ZNF875: variants seen among roughly 807,000 people sequenced by gnomAD.
ZNF875 encodes zinc finger protein 875.
A neutral mutation model predicts 11.2 loss-of-function variants in ZNF875; 14 were observed. The observed-to-expected ratio is 1.26, with a 90% CI of 0.83 to 1.96. The LOEUF (loss-of-function observed/expected upper bound fraction) is 1.96. Ranked by LOEUF, ZNF875 falls within the 30% of genes most tolerant of loss-of-function variation. The pLI is 0.00. For missense variants in ZNF875, 752 were observed against 760.4 expected, an observed-to-expected ratio of 0.99 and a Z score of 0.13; for synonymous variants, 301 against 281.1, an observed-to-expected ratio of 1.07 and a Z score of -0.71.
chr19:37,355,258 C>T (rs372319818), intron 4 of ZNF875, among the ~76,000 whole-genome samples: 2 of 152,086 alleles, frequency 1.3e-5, no homozygotes, highest in Admixed American at 1.3e-4. Flanking sequence ...GGCACGATCT[C>T]GGCTCACTGC....
intron 1 of ZNF875, among the ~76,000 whole-genome samples, chr19:37,319,477 G>A (rs1477199263): frequency 6.6e-6 from 1 of 151,530 alleles, no homozygotes; most frequent in Admixed American, 6.6e-5. Flanking sequence ...CCTATAGGCG[G>A]CAGGTCTCTA....
intron 4 of ZNF875, among the ~76,000 whole-genome samples, chr19:37,348,444 T>C (rs1175282275): frequency 1.3e-5 from 2 of 152,232 alleles, no homozygotes; most frequent in Non-Finnish European, 2.9e-5. Context: ...GTAATTCTCA[T>C]GCATGGCTTT....
intron 4 of ZNF875, 182 bp from the exon 5 acceptor site, chr19:37,361,927 A>AAAAAC: frequency 2.1e-6 from 1 of 478,122 alleles, no homozygotes; most frequent in East Asian, 3.2e-5. Context: ...AAAAAAAACA[A>AAAAAC]AAAAACAAAA....
At chr19:37,334,096 C>A (rs545046609), upstream of ZNF875, among the ~76,000 whole-genome samples, 1 of 152,172 alleles carries the variant, frequency 6.6e-6, no homozygotes, top group Non-Finnish European at 1.5e-5. Flanking sequence ...CAGTCTCCCC[C>A]ATCTGCATTC....
exon 4 of ZNF875, chr19:37,324,257 A>G (rs2032029965): frequency 6.6e-6 from 1 of 152,198 alleles, no homozygotes; most frequent in South Asian, 2.1e-4. Flanking sequence ...ACCAGAGGAA[A>G]CACAGCAAGT....
At chr19:37,329,574 G>GGTGA (rs1368873501) in intron 4 of ZNF875, among the ~76,000 whole-genome samples, 1 of 152,094 alleles carries the variant, frequency 6.6e-6, no homozygotes, top group Non-Finnish European at 1.5e-5. Flanking sequence ...TGCATGTGTG[G>GGTGA]GTGAACTCTC....
At chr19:37,317,345 C>T (rs1381715097), upstream of ZNF875, among the ~76,000 whole-genome samples, 1 of 152,076 alleles carries the variant, frequency 6.6e-6, no homozygotes, top group African/African-American at 2.4e-5. Context: ...CGCCACCACG[C>T]CCGGCTAATT....
chr19:37,335,168 G>C lies in ZNF875; in HGVS notation c.-56-1G>C. 1 of 701,372 alleles carries C rather than the reference G, an allele frequency of 1.4e-6. No individual in the cohort carries two copies. Among genetic ancestry groups the C allele is most frequent in the African/African-American group, 1.7e-5 (1 of 57,364 alleles). The allele number at this position is 701,372 out of a possible 1,614,324, so 43.4% of individuals were successfully genotyped here. On this transcript the variant is annotated splice_acceptor_variant, in intron 1 of 4. Transcript: ENST00000392153. LOFTEE classifies it low-confidence loss of function (5UTR_SPLICE). ...ACTCTTATTTCTCTTCACATCCCCA[G>C]ATCTGTCTTCTGAGACTTTGCCCTT...
At chr19:37,332,331 C>T (rs573060614), upstream of ZNF875, among the ~76,000 whole-genome samples, 56 of 151,844 alleles carry the variant, frequency 3.7e-4, no homozygotes, top group East Asian at 4.9e-3. Context: ...TCCCACCTTA[C>T]GAGAAACACC....
intron 2 of ZNF875, among the ~76,000 whole-genome samples, chr19:37,336,083 G>C (rs1305057213): frequency 6.6e-6 from 1 of 152,156 alleles, no homozygotes; most frequent in Non-Finnish European, 1.5e-5. Context: ...TGATGTGGAT[G>C]AAGGGCAGGG....
At chr19:37,322,206 GTTC>G (rs532412271) in exon 2 of ZNF875, 138 of 152,266 alleles carry the variant, frequency 9.1e-4, no homozygotes, top group African/African-American at 3.0e-3. Context: ...TTCTTTTGCT[GTTC>G]TTCTGTTTTG....
rs1568661476 is a variant in ZNF875 at position 37,362,144 on chromosome 19, C to T, written c.292C>T (p.Pro98Ser). 5 of 1,614,004 alleles carry T rather than the reference C, an allele frequency of 3.1e-6. No individual in the cohort carries two copies. Among genetic ancestry groups the T allele is most frequent in the Non-Finnish European group, 4.2e-6 (5 of 1,179,942 alleles). The change falls in exon 5 of 5, where the codon CCT (proline) becomes TCT (serine). Residue 98 changes from proline (P) to serine (S), a missense_variant. Pro to Ser is a moderately conservative substitution (Grantham distance 74, BLOSUM62 -1). Transcript: ENST00000392153. ...KPEIQLSPSCPLIFSSQQALS... is the reference protein window; with the variant it reads ...KPEIQLSPSCSLIFSSQQALS... The stretch of plus-strand genomic sequence containing the variant: ...AGAAATTCAACTTAGTCCCTCCTGC[C>T]CTCTGATTTTCTCCAGTCAGCAAGC...
intron 1 of ZNF875, among the ~76,000 whole-genome samples, chr19:37,321,785 G>A (rs907354881): frequency 4.6e-5 from 7 of 152,148 alleles, no homozygotes; most frequent in Non-Finnish European, 1.0e-4. Flanking sequence ...ACCCAGGATC[G>A]GGGAGAGAGG....
intron 2 of ZNF875, among the ~76,000 whole-genome samples, chr19:37,343,432 T>G (rs1285506834): frequency 1.3e-5 from 2 of 151,040 alleles, no homozygotes; most frequent in Non-Finnish European, 2.9e-5. Flanking sequence ...TTCAAAATCC[T>G]GTGGGTCAGC....
chr19:37,329,461 A>G (rs558994766), intron 4 of ZNF875, among the ~76,000 whole-genome samples: 76 of 152,286 alleles, frequency 5.0e-4, no homozygotes, highest in Non-Finnish European at 8.2e-4. Flanking sequence ...CTCCATAAGT[A>G]TTTGATTTTT....
At chr19:37,361,649 C>A (rs1254008687) in intron 4 of ZNF875, among the ~76,000 whole-genome samples, 1 of 152,102 alleles carries the variant, frequency 6.6e-6, no homozygotes, top group African/African-American at 2.4e-5. Context: ...TAGGGCTAGA[C>A]ACAGTGGCTT....
At chr19:37,352,408 T>TTC (rs2038073374) in intron 4 of ZNF875, among the ~76,000 whole-genome samples, 1 of 152,054 alleles carries the variant, frequency 6.6e-6, no homozygotes, top group Non-Finnish European at 1.5e-5. Context: ...GCCTGGCTAA[T>TTC]TTTTTTCCTA....
upstream of ZNF875, among the ~76,000 whole-genome samples, chr19:37,333,849 G>A (rs536059934): frequency 2.5e-4 from 38 of 152,110 alleles, no homozygotes; most frequent in South Asian, 7.9e-3. Flanking sequence ...TAAAATCAAT[G>A]CAAAAAGAAA....
intron 4 of ZNF875, among the ~76,000 whole-genome samples, chr19:37,350,017 T>C (rs1197998796): frequency 8.0e-6 from 1 of 124,868 alleles, no homozygotes; most frequent in Non-Finnish European, 1.6e-5. Flanking sequence ...CAGGCTGGAG[T>C]GCAAAGGCGC....
Sources: allele counts gnomAD v4.1 joint callset (sites outside exome capture counted in the v4.1 genomes callset), GRCh38; gene constraint gnomAD v4.1.1; transcripts MANE v1.5; gene names NCBI Gene and HGNC (gene_info 2026-07-23, HGNC 2026-07-21).